Variants in MYOM2 observed in about 807,000 individuals in gnomAD.
MYOM2 encodes the protein myomesin-2.
A neutral mutation model predicts 187.6 loss-of-function variants in MYOM2; 254 were observed. The observed-to-expected ratio is 1.35, with a 90% CI of 1.22 to 1.50. The LOEUF is 1.50. Ranked by LOEUF, MYOM2 falls within the 40% of genes most tolerant of loss-of-function variation. The pLI is 0.00. For synonymous variants in MYOM2, 981 were observed against 753.8 expected, an observed-to-expected ratio of 1.30 and a Z score of -4.94; for missense variants, 2,796 against 1,924.0, an observed-to-expected ratio of 1.45 and a Z score of -8.48.
At chr8:2,113,934 C>G (rs1797151619) in intron 25 of MYOM2, among the ~76,000 whole-genome samples, 1 of 152,180 alleles carries the variant, frequency 6.6e-6, no homozygotes, top group East Asian at 1.9e-4. Flanking sequence ...CATGCCTGCT[C>G]TCAGGGGCTC....
rs765464658 is a variant in MYOM2, at chr8:2,102,724, A to C, written c.2677A>C (p.Asn893His). The change falls in exon 21 of 37, where the codon AAT becomes CAT. Residue 893 changes from asparagine to histidine, a missense_variant. By Grantham distance (68) the Asn-to-His change is moderately conservative. Coordinates refer to ENST00000262113, the MANE Select transcript of MYOM2 (RefSeq NM_003970.4). Reference sequence around the variant, plus strand: ...CTTCAGGGTCCGGGCAGTCAATGCAAATGGCGTGGGGAAGCCCTCAGACAC... The same window carrying C: ...CTTCAGGGTCCGGGCAGTCAATGCACATGGCGTGGGGAAGCCCTCAGACAC... ...YVFRVRAVNA[N>H]GVGKPSDTSE... 1 of 1,614,140 alleles carries C rather than the reference A, an allele frequency of 6.2e-7. No homozygotes were observed. The highest frequency in any genetic ancestry group is 8.5e-7 in the Non-Finnish European group (1 of 1,179,944).
intron 27 of MYOM2, among the ~76,000 whole-genome samples, chr8:2,117,582 A>G (rs1468229641): frequency 2.0e-5 from 3 of 152,176 alleles, no homozygotes; most frequent in African/African-American, 7.2e-5. Flanking sequence ...CTGAAGAGCA[A>G]TAGATATGAG....
chr8:2,105,945 C>G (rs911434246), intron 21 of MYOM2, among the ~76,000 whole-genome samples: 1 of 152,140 alleles, frequency 6.6e-6, no homozygotes, highest in Non-Finnish European at 1.5e-5. Context: ...AGGAAACTTA[C>G]AGTCATGGCA....
intron 15 of MYOM2, among the ~76,000 whole-genome samples, chr8:2,091,244 A>G (rs145381236): frequency 8.0e-4 from 122 of 152,154 alleles, no homozygotes; most frequent in African/African-American, 2.5e-3. Context: ...GAGTTTCACC[A>G]TATTGCCCAG....
chr8:2,112,198 G>A (rs1214028873), intron 25 of MYOM2, among the ~76,000 whole-genome samples: 1 of 152,154 alleles, frequency 6.6e-6, no homozygotes, highest in African/African-American at 2.4e-5. Flanking sequence ...TACAGAGACT[G>A]TCACGGAGTC....
At chr8:2,046,727 T>C (rs1371452354) in intron 1 of MYOM2, among the ~76,000 whole-genome samples, 1 of 148,672 alleles carries the variant, frequency 6.7e-6, no homozygotes, top group African/African-American at 2.5e-5. Context: ...AAAGCTGCTT[T>C]CTTTCTCTCT....
intron 21 of MYOM2, among the ~76,000 whole-genome samples, chr8:2,104,894 G>C (rs1231476476): frequency 6.6e-6 from 1 of 152,194 alleles, no homozygotes; most frequent in African/African-American, 2.4e-5. Context: ...TTTCCAGAAA[G>C]ACACGAGTCT....
chr8:2,056,881 G>T (rs1818684194), intron 3 of MYOM2, among the ~76,000 whole-genome samples: 1 of 152,192 alleles, frequency 6.6e-6, no homozygotes, highest in Non-Finnish European at 1.5e-5. Context: ...GAGTTGCCCT[G>T]TCTTTACTGA....
chr8:2,069,181 C>A, intron 6 of MYOM2, 97 bp from the exon 7 acceptor site: 1 of 1,159,994 alleles, frequency 8.6e-7, no homozygotes, highest in Non-Finnish European at 1.2e-6. Context: ...TAAACCACGC[C>A]ATGTGATTTG....
chr8:2,099,749 C>G (rs894532011), intron 19 of MYOM2, among the ~76,000 whole-genome samples: 1 of 152,198 alleles, frequency 6.6e-6, no homozygotes, highest in Admixed American at 6.5e-5. Flanking sequence ...CAAAAGTTCT[C>G]AAGTACCAGA....
At position 2,057,998 on chromosome 8, in the gene MYOM2, G is replaced by GTTTTTTTT. The variant is rs572901199; in HGVS notation, c.560+249_560+256dup. ...ATTGAGTCAACAAATTTTTCAGAGG[G>GTTTTTTTT]TTTTTTTTTTTTTTTTTTTTTTTTT... On this transcript the variant is annotated intron_variant, in intron 5 of 36. Coordinates refer to ENST00000262113, the MANE Select transcript of MYOM2 (RefSeq NM_003970.4). Among the ~76,000 whole-genome samples the GTTTTTTTT allele has an allele frequency of 3.0e-4, 24 of 80,736 alleles. 2 individuals are homozygous for GTTTTTTTT. The highest frequency in any genetic ancestry group is 4.3e-4 in the African/African-American group (9 of 20,872). 53.0% of individuals were successfully genotyped at this position (80,736 alleles called of 152,430 possible). A position where few individuals can be genotyped will look rare whatever the true frequency, so the allele number is the denominator to read the frequency against.
chr8:2,083,253 G>C (rs1819690980), intron 13 of MYOM2, among the ~76,000 whole-genome samples: 2 of 151,736 alleles, frequency 1.3e-5, no homozygotes, highest in African/African-American at 2.4e-5. Context: ...GGCAGCATCA[G>C]TGCCCTGGGG....
intron 13 of MYOM2, among the ~76,000 whole-genome samples, chr8:2,080,542 C>T (rs1037403544): frequency 6.6e-6 from 1 of 152,176 alleles, no homozygotes; most frequent in Non-Finnish European, 1.5e-5. Context: ...TTAGTCAAAT[C>T]CTCTGGCTGC....
chr8:2,079,697 G>GC, intron 13 of MYOM2, 84 bp downstream of exon 13: 1 of 1,397,246 alleles, frequency 7.2e-7, no homozygotes, highest in East Asian at 2.3e-5. Context: ...GACAGAGAAC[G>GC]CCCCCTACTG....
intron 6 of MYOM2, among the ~76,000 whole-genome samples, chr8:2,061,262 G>C (rs1818843488): frequency 6.6e-6 from 1 of 151,794 alleles, no homozygotes; most frequent in Admixed American, 6.6e-5. Flanking sequence ...CCAGTGTTTA[G>C]TGAGGGAGGG....
chr8:2,138,804 G>A (rs76361851), intron 32 of MYOM2, among the ~76,000 whole-genome samples: 6,775 of 150,832 alleles, frequency 0.045, 506 homozygotes, highest in African/African-American at 0.14. Flanking sequence ...TTCTCTGTCC[G>A]GGATCCCAGA....
chr8:2,109,532 G>T lies in MYOM2; in HGVS notation c.3180+1G>T, dbSNP rs1341873846. ...CGACAGAGAAGTCTCTGACAGCGAG[G>T]TGAGTTCCTGTGTGAGTGATCTCTG... On this transcript the variant is annotated splice_donor_variant, in intron 25 of 36. Transcript: ENST00000262113. LOFTEE classifies it high-confidence loss of function. The T allele has an allele frequency of 6.2e-7, 1 of 1,606,396 alleles. No homozygotes were observed. Among genetic ancestry groups the T allele is most frequent in the African/African-American group, 1.3e-5 (1 of 74,464 alleles).
At chr8:2,128,941 C>T (rs1287453520) in intron 31 of MYOM2, among the ~76,000 whole-genome samples, 186 bp from the exon 32 acceptor site, 3 of 152,110 alleles carry the variant, frequency 2.0e-5, no homozygotes, top group Middle Eastern at 3.2e-3. Context: ...ATGGTAAGAG[C>T]TTGTTTAATG....
At chr8:2,100,028 CCTT>C (rs1249070396) in intron 19 of MYOM2, among the ~76,000 whole-genome samples, 2 of 82,478 alleles carry the variant, frequency 2.4e-5, no homozygotes, top group Admixed American at 1.1e-4. Context: ...TTCCTTCCTT[CCTT>C]CTTTCCTTCC....
Sources: allele counts gnomAD v4.1 joint callset (sites outside exome capture counted in the v4.1 genomes callset), GRCh38; gene constraint gnomAD v4.1.1; transcripts MANE v1.5; gene names NCBI Gene and HGNC (gene_info 2026-07-23, HGNC 2026-07-21).